The following POLR3F variants were observed in gnomAD, a reference collection of about 807,000 sequenced individuals.
POLR3F encodes DNA-directed RNA polymerase III subunit RPC6.
Under a neutral mutation model 43.6 loss-of-function variants are expected in POLR3F, and 31 were observed. The ratio of observed to expected loss-of-function variants is 0.71; its 90% confidence interval spans 0.53 to 0.96. The LOEUF (loss-of-function observed/expected upper bound fraction) is 0.96, where lower values mean the gene tolerates loss of function less well. POLR3F is among the 40% of genes least tolerant of loss of function. The probability of loss-of-function intolerance (pLI) is 0.00; values close to 1 mark genes in which losing one functional copy is unlikely to be tolerated. For missense variants in POLR3F, 316 were observed against 391.7 expected (o/e 0.81, Z 1.63); for synonymous variants, 114 against 132.5 (o/e 0.86, Z 0.96).
intron 5 of POLR3F, among the ~76,000 whole-genome samples, chr20:18,478,939 T>TA (rs1326689030): frequency 1.3e-5 from 2 of 150,310 alleles, no homozygotes; most frequent in East Asian, 4.0e-4. Context: ...GGTCAGGAAT[T>TA]AGAGACCAGC....
chr20:18,478,503 C>T (rs1296773881), intron 5 of POLR3F, among the ~76,000 whole-genome samples: 1 of 152,128 alleles, frequency 6.6e-6, no homozygotes, highest in East Asian at 1.9e-4. Context: ...CATAAGCCAC[C>T]ATGCCTGGCC....
chr20:18,469,730 A>T (rs2059737873), intron 2 of POLR3F, among the ~76,000 whole-genome samples: 1 of 152,248 alleles, frequency 6.6e-6, no homozygotes, highest in South Asian at 2.1e-4. Context: ...TATAAGACAA[A>T]TGAAATAAAT....
At chr20:18,469,102 T>C in intron 2 of POLR3F, 41 bp downstream of exon 2, 1 of 862,826 alleles carries the variant, frequency 1.2e-6, no homozygotes, top group South Asian at 1.3e-5. Flanking sequence ...ACTGATATGC[T>C]GATTATCACT....
intron 8 of POLR3F, among the ~76,000 whole-genome samples, chr20:18,482,778 C>T (rs572237084): frequency 6.6e-6 from 1 of 152,290 alleles, no homozygotes; most frequent in South Asian, 2.1e-4. Context: ...GTCTATATGC[C>T]TAAGCTCTCT....
intron 5 of POLR3F, among the ~76,000 whole-genome samples, chr20:18,479,708 C>A (rs1017342279): frequency 3.3e-5 from 5 of 152,060 alleles, no homozygotes; most frequent in Non-Finnish European, 7.4e-5. Flanking sequence ...ACTGTCACAA[C>A]TAAAAGAAGC....
intron 1 of POLR3F, among the ~76,000 whole-genome samples, chr20:18,467,860 G>A (rs1010241256): frequency 6.6e-6 from 1 of 152,200 alleles, no homozygotes; most frequent in Non-Finnish European, 1.5e-5. Flanking sequence ...CGCGATCAGT[G>A]CTTTGAGAGG....
At chr20:18,472,153 A>G (rs1352890561) in intron 2 of POLR3F, among the ~76,000 whole-genome samples, 1 of 152,234 alleles carries the variant, frequency 6.6e-6, no homozygotes, top group Non-Finnish European at 1.5e-5. Flanking sequence ...TATAAAAACA[A>G]TACTACTCTA....
chr20:18,480,612 A>G (rs1177858836), intron 7 of POLR3F, 103 bp downstream of exon 7: 2 of 702,198 alleles, frequency 2.8e-6, no homozygotes, highest in Non-Finnish European at 5.0e-6. Flanking sequence ...TTTTGAGATG[A>G]TAGCTACGAA....
chr20:18,472,899 C>A lies in POLR3F; in HGVS notation c.238C>A (p.Gln80Lys). ...TGLLYRIKDSQNAGKMKGSDN... is the reference protein window; with the variant it reads ...TGLLYRIKDSKNAGKMKGSDN... ...CCTTTTATATAGAATAAAGGACTCT[C>A]AGAATGCTGGGTAAGTACTTGTTTT... The change falls in exon 3 of 9, where the codon CAG becomes AAG. Residue 80 changes from glutamine to lysine, a missense_variant. Physicochemically the swap from Gln to Lys is moderately conservative, Grantham distance 53 (BLOSUM62 1). Coordinates refer to ENST00000377603, the MANE Select transcript of POLR3F (RefSeq NM_006466.4). The A allele has an allele frequency of 1.4e-6, 2 of 1,430,624 alleles. No individual in the cohort carries two copies. Among genetic ancestry groups the A allele is most frequent in the South Asian group, 1.2e-5 (1 of 81,924 alleles). 88.6% of individuals were successfully genotyped at this position (1,430,624 alleles called of 1,614,324 possible).
chr20:18,467,579 G>A lies in POLR3F; in HGVS notation c.62+11G>A. 1 of 1,614,234 alleles carries A rather than the reference G, an allele frequency of 6.2e-7. No homozygotes were observed. The highest frequency in any genetic ancestry group is 8.5e-7 in the Non-Finnish European group (1 of 1,180,024). On this transcript the variant is annotated intron_variant, in intron 1 of 8. Coordinates refer to ENST00000377603, the MANE Select transcript of POLR3F (RefSeq NM_006466.4). ...CGAAATAGAAAACAGGTAAACCAGT[G>A]AGGCTCCGGCTTGGCACTCCATCAG...
intron 1 of POLR3F, chr20:18,467,774 C>A: frequency 1.9e-6 from 2 of 1,045,452 alleles, no homozygotes; most frequent in Non-Finnish European, 2.7e-6. Flanking sequence ...TGACAGCTTG[C>A]AACTTTGTGT....
chr20:18,483,780 ATTC>A lies in POLR3F; in HGVS notation c.*226_*228del. 9.9e-6 allele frequency: 4 copies of A among 402,144 alleles called. No individual in the cohort carries two copies. The allele number at this position is 402,144 out of a possible 1,614,324, so 24.9% of individuals were successfully genotyped here. A position where few individuals can be genotyped will look rare whatever the true frequency, so the allele number is the denominator to read the frequency against. On this transcript the variant is annotated 3_prime_UTR_variant, in exon 9 of 9. Transcript: ENST00000377603. ...AGAAATAAGGTTAGTAGTGAAATTC[ATTC>A]TTCAATAAATAAAACACTTTGAAAC...
chr20:18,479,708 C>T (rs1017342279), intron 5 of POLR3F, among the ~76,000 whole-genome samples: 22 of 152,060 alleles, frequency 1.4e-4, no homozygotes, highest in African/African-American at 5.3e-4. Context: ...ACTGTCACAA[C>T]TAAAAGAAGC....
chr20:18,467,458 C>T lies in POLR3F; in HGVS notation c.-49C>T, dbSNP rs761078307. 1 of 1,607,564 alleles carries T rather than the reference C, an allele frequency of 6.2e-7. No individual in the cohort carries two copies. Among genetic ancestry groups the T allele is most frequent in the South Asian group, 1.1e-5 (1 of 90,938 alleles). On this transcript the variant is annotated 5_prime_UTR_variant, in exon 1 of 9. Transcript: ENST00000377603. ...TTCCCCGGGTTCCCCGGCTTGCTAC[C>T]GGGCTGCTCCGTGCATCTTTCCCCC... is the stretch of plus-strand genomic sequence containing the variant.
At chr20:18,479,126 A>T (rs1247555181) in intron 5 of POLR3F, among the ~76,000 whole-genome samples, 1 of 151,668 alleles carries the variant, frequency 6.6e-6, no homozygotes, top group East Asian at 2.0e-4. Context: ...CAGCCTGGCA[A>T]CAAGAGCGAA....
At chr20:18,480,314 TTC>T (rs1291831349) in intron 6 of POLR3F, 86 bp from the exon 7 acceptor site, 3 of 1,214,176 alleles carry the variant, frequency 2.5e-6, no homozygotes, top group African/African-American at 1.5e-5. Context: ...ACTAAATATG[TTC>T]TGTTGTTGGT....
rs1479200343 is a variant in POLR3F, at chr20:18,483,942, A to C, written c.*384A>C. On this transcript the variant is annotated 3_prime_UTR_variant, in exon 9 of 9. Coordinates refer to ENST00000377603, the MANE Select transcript of POLR3F (RefSeq NM_006466.4). ...TTTAAAGTTATTTATTAAGTTCTTC[A>C]TTGGAAGTTTTTTTTTATATCTGGT... is the stretch of plus-strand genomic sequence containing the variant. 2 of 396,718 alleles carry C rather than the reference A, an allele frequency of 5.0e-6. No homozygotes were observed. Among genetic ancestry groups the C allele is most frequent in the African/African-American group, 4.1e-5 (2 of 48,568 alleles). The allele number at this position is 396,718 out of a possible 1,614,324, so 24.6% of individuals were successfully genotyped here. A position where few individuals can be genotyped will look rare whatever the true frequency, so the allele number is the denominator to read the frequency against.
intron 8 of POLR3F, 21 bp from the exon 9 acceptor site, chr20:18,483,460 A>T (rs1377260137): frequency 2.6e-6 from 3 of 1,174,568 alleles, no homozygotes; most frequent in African/African-American, 1.5e-5. Context: ...TTTGAATATA[A>T]TTTTTTTTTC....
intron 7 of POLR3F, among the ~76,000 whole-genome samples, 160 bp from the exon 8 acceptor site, chr20:18,481,459 G>A (rs1047060648): frequency 5.9e-5 from 9 of 152,194 alleles, no homozygotes; most frequent in African/African-American, 1.7e-4. Flanking sequence ...GGCTGGTCTC[G>A]AACTCCTGAC....
Sources: gnomAD v4.1 joint callset for allele counts (sites outside exome capture counted in the v4.1 genomes callset) on GRCh38, gnomAD v4.1.1 for gene constraint, MANE v1.5 for transcripts, NCBI Gene and HGNC (gene_info 2026-07-23, HGNC 2026-07-21) for gene names.